The following GATB variants were observed in gnomAD, a reference collection of about 807,000 sequenced individuals.
GATB encodes glutamyl-tRNA amidotransferase subunit B.
Under a neutral mutation model 62.3 loss-of-function variants are expected in GATB, and 39 were observed. That is an observed-to-expected ratio of 0.63 (90% CI 0.48 to 0.82). GATB has a LOEUF of 0.82. Among genes scored for constraint, GATB ranks in the 40% least tolerant of loss-of-function variants. The pLI, the probability that GATB is intolerant of heterozygous loss-of-function variation, is 0.00. For synonymous variants in GATB, 276 were observed against 258.9 expected, an observed-to-expected ratio of 1.07 and a Z score of -0.63; for missense variants, 670 against 684.0, an observed-to-expected ratio of 0.98 and a Z score of 0.23.
In GATB at chr4:151,758,841, T is replaced by C. The variant is rs1739891601; in HGVS notation, c.258A>G (p.Gln86=). Residue 86 remains glutamine (Q), a synonymous_variant, in exon 2 of 13, where the codon CAA becomes CAG. Coordinates refer to ENST00000263985, the MANE Select transcript of GATB (RefSeq NM_004564.3). Reference sequence around the variant, plus strand: ...AATTTGGAGGTGCTGAAAAGCGAACTTGAGATCCAGAGAAGAGTTTAGAGT... The same window carrying C: ...AATTTGGAGGTGCTGAAAAGCGAACCTGAGATCCAGAGAAGAGTTTAGAGT... ...SSNSKLFSGS[Q]VRFSAPPNSL... The C allele has an allele frequency of 2.5e-6, 4 of 1,611,124 alleles. No individual in the cohort carries two copies. The highest frequency in any genetic ancestry group is 1.3e-5 in the African/African-American group (1 of 74,864).
intron 5 of GATB, among the ~76,000 whole-genome samples, chr4:151,712,751 G>A (rs983332861): frequency 6.6e-5 from 10 of 152,182 alleles, no homozygotes; most frequent in African/African-American, 1.7e-4. Flanking sequence ...TAAGAGCACC[G>A]AACATGTATC....
At chr4:151,706,569 A>T (rs541696747) in intron 6 of GATB, among the ~76,000 whole-genome samples, 1 of 152,266 alleles carries the variant, frequency 6.6e-6, no homozygotes, top group South Asian at 2.1e-4. Context: ...ACAGTTCACC[A>T]TCTTTAGTCT....
intron 2 of GATB, chr4:151,722,407 ACCTGAAGTC>A (rs1739049513): frequency 1.7e-6 from 1 of 572,262 alleles, no homozygotes; most frequent in Non-Finnish European, 3.1e-6. Flanking sequence ...GCATTCTGTT[ACCTGAAGTC>A]CCTCAATGGC....
chr4:151,759,560 C>T (rs192640563), intron 1 of GATB, among the ~76,000 whole-genome samples: 2 of 152,150 alleles, frequency 1.3e-5, no homozygotes, highest in Non-Finnish European at 1.5e-5. Context: ...ATTTTTGGTC[C>T]CCCAAATCAC....
intron 9 of GATB, among the ~76,000 whole-genome samples, chr4:151,692,439 G>A (rs906097340): frequency 2.0e-5 from 3 of 152,222 alleles, no homozygotes; most frequent in Admixed American, 6.5e-5. Context: ...GCTGTTCAAA[G>A]GTTCTTAACA....
intron 7 of GATB, among the ~76,000 whole-genome samples, chr4:151,704,910 G>A (rs188232326): frequency 1.3e-4 from 20 of 150,550 alleles, no homozygotes; most frequent in African/African-American, 2.0e-4. Context: ...CACCATGCCC[G>A]GCTAATTTTT....
In GATB at chr4:151,701,321, A is replaced by C; in HGVS notation, c.1197+8T>G. 6.5e-7 allele frequency: 1 copy of C among 1,528,346 alleles called. No individual in the cohort carries two copies. Among genetic ancestry groups the C allele is most frequent in the Non-Finnish European group, 8.8e-7 (1 of 1,133,310 alleles). The allele number at this position is 1,528,346 out of a possible 1,614,324, so 94.7% of individuals were successfully genotyped here. ...CCGGGATCCTCTTGGCATCCGATCG[A>C]TACCTACCAGCAAAGTGAAGCTGTG... On this transcript the variant is annotated splice_region_variant and intron_variant, in intron 9 of 12. Transcript: ENST00000263985.
intron 10 of GATB, among the ~76,000 whole-genome samples, chr4:151,687,575 G>C (rs1480552348): frequency 2.0e-5 from 3 of 152,224 alleles, no homozygotes; most frequent in Admixed American, 6.5e-5. Flanking sequence ...TCTGCTCTCA[G>C]ACGCTGAATA....
chr4:151,732,132 G>A lies in GATB; in HGVS notation c.328-12594C>T, dbSNP rs532267045. ...GGAGCCTCCGCCCGGCCACCGCCCCGTCCAGGAGGTGGGGGGCGCCTCTGC... is the reference window on the plus strand; with the variant it reads ...GGAGCCTCCGCCCGGCCACCGCCCCATCCAGGAGGTGGGGGGCGCCTCTGC... On this transcript the variant is annotated intron_variant, in intron 2 of 12. Transcript: ENST00000263985. Among the ~76,000 whole-genome samples, 1,091 of 149,470 alleles carry A rather than the reference G, an allele frequency of 7.3e-3. 9 individuals carry two copies. Among genetic ancestry groups the A allele is most frequent in the African/African-American group, 0.026 (1,041 of 40,668 alleles).
chr4:151,738,088 T>C (rs989491822), intron 2 of GATB, among the ~76,000 whole-genome samples: 2 of 152,010 alleles, frequency 1.3e-5, no homozygotes, highest in African/African-American at 4.8e-5. Flanking sequence ...CCCAGAAAGG[T>C]AGATCCACTG....
At chr4:151,735,313 C>A (rs1192787383) in intron 2 of GATB, among the ~76,000 whole-genome samples, 3 of 149,414 alleles carry the variant, frequency 2.0e-5, no homozygotes, top group Non-Finnish European at 4.4e-5. Flanking sequence ...AGAAGATATA[C>A]AAATGGCCAA....
At chr4:151,687,745 C>G (rs761858199) in intron 10 of GATB, among the ~76,000 whole-genome samples, 27 of 152,294 alleles carry the variant, frequency 1.8e-4, no homozygotes, top group Admixed American at 3.3e-4. Context: ...CTCCCTCCCC[C>G]CTTCCTGTTT....
rs1406127939 is a variant in GATB at position 151,697,949 on chromosome 4, GTGTGTATATATATATATA to G, written c.1197+3362_1197+3379del. Among the ~76,000 whole-genome samples, 5 of 96,934 alleles carry G rather than the reference GTGTGTATATATATATATA, an allele frequency of 5.2e-5. 2 individuals carry two copies. Among genetic ancestry groups the G allele is most frequent in the African/African-American group, 3.3e-4 (5 of 15,250 alleles). The allele number at this position is 96,934 out of a possible 152,430, so 63.6% of individuals were successfully genotyped here. A position where few individuals can be genotyped will look rare whatever the true frequency, so the allele number is the denominator to read the frequency against. ...CGATTTCATATATATGTGTGTGTGT[GTGTGTATATATATATATA>G]TATATATATATATATATATATATAT... On this transcript the variant is annotated intron_variant, in intron 9 of 12. Coordinates refer to ENST00000263985, the MANE Select transcript of GATB (RefSeq NM_004564.3).
At chr4:151,751,179 T>C (rs570327456) in intron 2 of GATB, among the ~76,000 whole-genome samples, 2 of 152,170 alleles carry the variant, frequency 1.3e-5, no homozygotes, top group African/African-American at 2.4e-5. Context: ...AGGGGTGTGG[T>C]AGGGGACTCA....
intron 7 of GATB, 28 bp downstream of exon 7, chr4:151,705,157 G>A (rs1287700906): frequency 6.4e-7 from 1 of 1,550,394 alleles, no homozygotes; most frequent in South Asian, 1.1e-5. Flanking sequence ...CCCGGCTGTG[G>A]TCAGGACGCT....
At chr4:151,699,194 C>G (rs937637522) in intron 9 of GATB, among the ~76,000 whole-genome samples, 1 of 152,026 alleles carries the variant, frequency 6.6e-6, no homozygotes, top group South Asian at 2.1e-4. Flanking sequence ...GTTCAACCAG[C>G]CTGGCCAACA....
chr4:151,691,938 T>C (rs1479408632), intron 9 of GATB, among the ~76,000 whole-genome samples: 2 of 152,154 alleles, frequency 1.3e-5, no homozygotes, highest in Non-Finnish European at 2.9e-5. Context: ...GACCCCCAGA[T>C]GAGCCATTCT....
chr4:151,741,423 T>C (rs1387579944), intron 2 of GATB, among the ~76,000 whole-genome samples: 1 of 152,228 alleles, frequency 6.6e-6, no homozygotes, highest in Non-Finnish European at 1.5e-5. Context: ...TAAGGGCTTA[T>C]TATTTTGCTC....
chr4:151,709,277 C>T (rs1375150241), intron 5 of GATB, among the ~76,000 whole-genome samples: 1 of 152,164 alleles, frequency 6.6e-6, no homozygotes, highest in African/African-American at 2.4e-5. Context: ...GCCGGCGGCC[C>T]GTGGCTGACA....
Sources: allele counts gnomAD v4.1 joint callset (sites outside exome capture counted in the v4.1 genomes callset), GRCh38; gene constraint gnomAD v4.1.1; transcripts MANE v1.5; gene names NCBI Gene and HGNC (gene_info 2026-07-23, HGNC 2026-07-21).